Variants in FGF12 observed in about 807,000 individuals in gnomAD.
FGF12 encodes fibroblast growth factor 12B.
A neutral mutation model predicts 23.6 loss-of-function variants in FGF12; 14 were observed. The observed-to-expected ratio is 0.59, with a 90% confidence interval of 0.39 to 0.93. The LOEUF (loss-of-function observed/expected upper bound fraction) is 0.93, where lower values mean the gene tolerates loss of function less well. Among genes scored for constraint, FGF12 ranks in the 40% least tolerant of loss-of-function variants. The pLI is 0.00. For synonymous variants in FGF12, 62 were observed against 77.3 expected, an observed-to-expected ratio of 0.80 and a Z score of 1.04; for missense variants, 175 against 217.8, an observed-to-expected ratio of 0.80 and a Z score of 1.24.
At chr3:192,154,977 G>A (rs1241933847) in intron 5 of FGF12, among the ~76,000 whole-genome samples, 12 of 137,500 alleles carry the variant, frequency 8.7e-5, no homozygotes, top group African/African-American at 1.4e-4. Context: ...TTCCGTGGGC[G>A]TAGGACCCTC....
At chr3:192,573,754 G>C (rs988035658) in intron 2 of FGF12, among the ~76,000 whole-genome samples, 8 of 151,818 alleles carry the variant, frequency 5.3e-5, no homozygotes, top group African/African-American at 1.9e-4. Context: ...ACCAAATTTG[G>C]GTATAAGAAA....
In FGF12 at chr3:192,408,056, G is replaced by T; in HGVS notation, c.14-47518C>A. 3 of 1,612,184 alleles carry T rather than the reference G, an allele frequency of 1.9e-6. No individual in the cohort carries two copies. Among genetic ancestry groups the T allele is most frequent in the Middle Eastern group, 1.7e-4 (1 of 6,048 alleles). Reference sequence around the variant, plus strand: ...TCCGCCTCACCGGCCTCTTGCGGCCGCTGCAGAAGCGCACTTTGCTGAACA... The same window carrying T: ...TCCGCCTCACCGGCCTCTTGCGGCCTCTGCAGAAGCGCACTTTGCTGAACA... On this transcript the variant is annotated intron_variant, in intron 2 of 5. Coordinates refer to ENST00000445105, the MANE Select transcript of FGF12 (RefSeq NM_004113.6). The surrounding 1 kb of genome is among the most constrained non-coding windows in gnomAD (Gnocchi z 7.3).
chr3:192,525,031 T>C (rs1724908893), intron 2 of FGF12, among the ~76,000 whole-genome samples: 1 of 152,256 alleles, frequency 6.6e-6, no homozygotes, highest in African/African-American at 2.4e-5. Context: ...TTCAGAAACA[T>C]CATTTTTCTC....
chr3:192,517,219 C>T (rs543641376), intron 2 of FGF12, among the ~76,000 whole-genome samples: 5 of 152,340 alleles, frequency 3.3e-5, no homozygotes, highest in Admixed American at 3.3e-4. Flanking sequence ...CCCTCTCTGC[C>T]TCCTGGCAAG....
chr3:192,477,003 T>G (rs1723344380), intron 2 of FGF12, among the ~76,000 whole-genome samples: 1 of 152,124 alleles, frequency 6.6e-6, no homozygotes, highest in Admixed American at 6.6e-5. Context: ...AAGAAGTGAT[T>G]ACAGAAGGAA....
intron 2 of FGF12, among the ~76,000 whole-genome samples, chr3:192,430,761 A>G (rs1721838013): frequency 6.6e-6 from 1 of 152,158 alleles, no homozygotes. Flanking sequence ...TTTCGCCACC[A>G]TGAAGAGGGT....
chr3:192,599,982 T>C (rs187124399), intron 2 of FGF12, among the ~76,000 whole-genome samples: 249 of 152,190 alleles, frequency 1.6e-3, no homozygotes, highest in African/African-American at 5.7e-3. Flanking sequence ...TCCTGAATTG[T>C]TTTCTCTATG....
intron 2 of FGF12, among the ~76,000 whole-genome samples, chr3:192,625,534 T>G (rs1429538543): frequency 6.6e-6 from 1 of 152,154 alleles, no homozygotes. Flanking sequence ...AGGCTGTTAC[T>G]GCCTTTTAAA....
chr3:192,488,021 G>A (rs1263711104), intron 2 of FGF12, among the ~76,000 whole-genome samples: 2 of 152,024 alleles, frequency 1.3e-5, no homozygotes, highest in African/African-American at 4.8e-5. Flanking sequence ...CCATGCTCAT[G>A]CTTGCTGACA....
At chr3:192,179,342 A>ACAT (rs1218204159) in intron 4 of FGF12, among the ~76,000 whole-genome samples, 1 of 152,194 alleles carries the variant, frequency 6.6e-6, no homozygotes, top group East Asian at 1.9e-4. Flanking sequence ...ATTCTTTGCA[A>ACAT]CATCTGACAA....
chr3:192,219,855 C>T (rs776105290), intron 4 of FGF12, among the ~76,000 whole-genome samples: 4 of 152,148 alleles, frequency 2.6e-5, no homozygotes, highest in Non-Finnish European at 4.4e-5. Flanking sequence ...AACTGACTTA[C>T]CTATAGCTGT....
At chr3:192,357,569 G>A (rs375567204) in intron 3 of FGF12, among the ~76,000 whole-genome samples, 32 of 150,832 alleles carry the variant, frequency 2.1e-4, no homozygotes, top group African/African-American at 4.4e-4. Context: ...GCGAGATTCC[G>A]TCTCAAAAAA....
At chr3:192,380,527 C>G (rs1719770764) in intron 2 of FGF12, among the ~76,000 whole-genome samples, 2 of 152,198 alleles carry the variant, frequency 1.3e-5, no homozygotes, top group South Asian at 4.1e-4. Flanking sequence ...AATAATCTAA[C>G]TATAAATAAA....
intron 2 of FGF12, among the ~76,000 whole-genome samples, chr3:192,593,921 G>A (rs74965014): frequency 0.017 from 2,576 of 151,904 alleles, 86 homozygotes; most frequent in Middle Eastern, 0.095. Flanking sequence ...ATTGTAATAA[G>A]GATTTAAATG....
At chr3:192,183,483 T>G (rs559782300) in intron 4 of FGF12, among the ~76,000 whole-genome samples, 1 of 152,160 alleles carries the variant, frequency 6.6e-6, no homozygotes, top group Non-Finnish European at 1.5e-5. Context: ...GTCCTCAGAA[T>G]GAGAATGCAA....
intron 2 of FGF12, among the ~76,000 whole-genome samples, chr3:192,683,998 A>G (rs60574568): frequency 6.8e-4 from 103 of 152,266 alleles, no homozygotes; most frequent in African/African-American, 2.5e-3. Flanking sequence ...CTCATCCTGT[A>G]TGATGCTGTA....
In FGF12 at chr3:192,591,888, C is replaced by G. The variant is rs1713640500; in HGVS notation, c.13+135293G>C. ...AGCTGGGACTAGATTATTCCTACCA[C>G]AAATAAAATTGGAAGCTAAGCATTT... is the stretch of plus-strand genomic sequence containing the variant. On this transcript the variant is annotated intron_variant, in intron 2 of 5. Transcript: ENST00000445105. Among the ~76,000 whole-genome samples, 4 of 151,554 alleles carry G rather than the reference C, an allele frequency of 2.6e-5. No homozygotes were observed. The South Asian group carries it at 8.5e-4, about 32-fold the overall frequency.
intron 2 of FGF12, among the ~76,000 whole-genome samples, chr3:192,442,653 G>A (rs1440578183): frequency 6.6e-6 from 1 of 152,136 alleles, no homozygotes; most frequent in Non-Finnish European, 1.5e-5. Context: ...AATCAATTCT[G>A]AATTAACCTT....
intron 2 of FGF12, among the ~76,000 whole-genome samples, chr3:192,403,951 A>G (rs574490501): frequency 1.2e-4 from 18 of 152,304 alleles, no homozygotes; most frequent in African/African-American, 3.8e-4. Context: ...CATAATTTTT[A>G]TAACAGCAGA....
Sources: allele counts gnomAD v4.1 joint callset (sites outside exome capture counted in the v4.1 genomes callset), GRCh38; gene constraint gnomAD v4.1.1; non-coding constraint Gnocchi (gnomAD v3.1); transcripts MANE v1.5; gene names NCBI Gene and HGNC (gene_info 2026-07-23, HGNC 2026-07-21).